The following NELL1 variants were observed in gnomAD, a reference collection of about 807,000 sequenced individuals.
The protein encoded by NELL1 is neural EGFL like 1, also known as protein kinase C-binding protein NELL1.
In NELL1, 76 loss-of-function variants were observed where a neutral mutation model predicts 107.4. The observed-to-expected ratio is 0.71, with a 90% CI of 0.59 to 0.86. The LOEUF (loss-of-function observed/expected upper bound fraction) is 0.86, where lower values mean the gene tolerates loss of function less well. NELL1 is among the 40% of genes least tolerant of loss of function. The probability of loss-of-function intolerance (pLI) is 0.00; values close to 1 mark genes in which losing one functional copy is unlikely to be tolerated. For synonymous variants in NELL1, 353 were observed against 341.2 expected (o/e 1.03, Z -0.38); for missense variants, 1,024 against 1,005.5 (o/e 1.02, Z -0.25).
intron 14 of NELL1, among the ~76,000 whole-genome samples, chr11:21,292,871 CT>C (rs1849301344): frequency 6.6e-6 from 1 of 152,146 alleles, no homozygotes; most frequent in African/African-American, 2.4e-5. Context: ...GGAAAACTGG[CT>C]AGCCATATGC....
rs573944278 is a variant in NELL1, at chr11:20,905,787, A to G, written c.604-12395A>G. Among the ~76,000 whole-genome samples, 10 of 152,268 alleles carry G rather than the reference A, an allele frequency of 6.6e-5. No individual in the cohort carries two copies. In the South Asian group the frequency reaches 2.1e-3, roughly 32 times the overall value. Reference sequence around the variant, plus strand: ...AAAATGAACAAGGCCTGAGGGATCTATCTGTAGGACATTATCAAATAGACT... The same window carrying G: ...AAAATGAACAAGGCCTGAGGGATCTGTCTGTAGGACATTATCAAATAGACT... On this transcript the variant is annotated intron_variant, in intron 5 of 19. Transcript: ENST00000357134.
chr11:20,858,031 C>T (rs933444114), intron 4 of NELL1, among the ~76,000 whole-genome samples: 1 of 152,102 alleles, frequency 6.6e-6, no homozygotes, highest in African/African-American at 2.4e-5. Context: ...CACAGCTTAC[C>T]CAATAGCAGG....
In NELL1 at chr11:20,907,024, T is replaced by C. The variant is rs148359768; in HGVS notation, c.604-11158T>C. Among the ~76,000 whole-genome samples, 349 of 152,064 alleles carry C rather than the reference T, an allele frequency of 2.3e-3. 4 individuals are homozygous for C. Among genetic ancestry groups the C allele is most frequent in the African/African-American group, 7.8e-3 (322 of 41,526 alleles). ...AGAAAAATAAGTAAATGCATTCAAA[T>C]TGGAAAAGAAGTAAAACTATCTCTA... On this transcript the variant is annotated intron_variant, in intron 5 of 19. Transcript: ENST00000357134.
chr11:21,366,961 G>T (rs1325523462), intron 14 of NELL1, among the ~76,000 whole-genome samples: 2 of 151,904 alleles, frequency 1.3e-5, no homozygotes, highest in Non-Finnish European at 2.9e-5. Flanking sequence ...CATGGTGATG[G>T]TACTGGACAT....
intron 15 of NELL1, among the ~76,000 whole-genome samples, chr11:21,446,604 A>T (rs1442499589): frequency 1.3e-5 from 2 of 152,204 alleles, no homozygotes; most frequent in Non-Finnish European, 2.9e-5. Flanking sequence ...TTGTAGACTC[A>T]CAAAGGAACC....
chr11:21,430,079 T>C (rs926229125), intron 15 of NELL1, among the ~76,000 whole-genome samples: 32 of 152,282 alleles, frequency 2.1e-4, no homozygotes, highest in African/African-American at 7.5e-4. Context: ...TCTTCCTTTG[T>C]GTTTAGCAGC....
intron 4 of NELL1, among the ~76,000 whole-genome samples, chr11:20,869,750 A>G (rs1849161265): frequency 4.6e-5 from 7 of 152,204 alleles, no homozygotes; most frequent in Admixed American, 4.6e-4. Context: ...TATGGTGAGA[A>G]GAACAGAATT....
intron 15 of NELL1, among the ~76,000 whole-genome samples, chr11:21,397,333 A>G (rs572795955): frequency 3.3e-5 from 5 of 151,714 alleles, no homozygotes; most frequent in East Asian, 3.9e-4. Context: ...TAAAGCTTCC[A>G]TTGATTTTTG....
intron 15 of NELL1, among the ~76,000 whole-genome samples, chr11:21,400,314 G>A (rs1336621219): frequency 6.6e-6 from 1 of 151,864 alleles, no homozygotes; most frequent in Non-Finnish European, 1.5e-5. Flanking sequence ...TGTCACAGAA[G>A]CATCCAATTT....
At chr11:21,224,124 A>C (rs944103669) in intron 13 of NELL1, among the ~76,000 whole-genome samples, 2 of 152,158 alleles carry the variant, frequency 1.3e-5, no homozygotes, top group African/African-American at 2.4e-5. Context: ...AAGTTTGACT[A>C]TAATGTGCCT....
chr11:20,740,772 C>T (rs973481988), intron 2 of NELL1, among the ~76,000 whole-genome samples: 3 of 151,926 alleles, frequency 2.0e-5, no homozygotes, highest in African/African-American at 7.3e-5. Flanking sequence ...ATTTTATTTT[C>T]ATTTTCTTTT....
At chr11:20,705,593 A>G (rs2133887867) in intron 2 of NELL1, among the ~76,000 whole-genome samples, 1 of 142,568 alleles carries the variant, frequency 7.0e-6, no homozygotes, top group Middle Eastern at 3.6e-3. Flanking sequence ...ACCATTCAGG[A>G]CATAGGCGTG....
intron 15 of NELL1, among the ~76,000 whole-genome samples, chr11:21,465,800 C>T (rs1854015107): frequency 2.0e-5 from 3 of 152,072 alleles, no homozygotes; most frequent in South Asian, 2.1e-4. Context: ...CATTCATTCC[C>T]TTGAGCTGCC....
chr11:21,139,395 G>A (rs1590672020), intron 13 of NELL1, among the ~76,000 whole-genome samples: 1 of 152,094 alleles, frequency 6.6e-6, no homozygotes, highest in African/African-American at 2.4e-5. Flanking sequence ...CAGGCCTCTG[G>A]CAAAGGTCTC....
chr11:21,077,034 A>G (rs952572643), intron 12 of NELL1, among the ~76,000 whole-genome samples: 2 of 152,120 alleles, frequency 1.3e-5, no homozygotes, highest in Admixed American at 6.6e-5. Context: ...TAGCAACACA[A>G]TGAACTAAGA....
rs1014132006 is a variant in NELL1 at position 20,755,568 on chromosome 11, T to G, written c.185-28112T>G. 2.0e-4 allele frequency among the ~76,000 whole-genome samples: 24 copies of G among 120,926 alleles called. 1 individual carries two copies. The highest frequency in any genetic ancestry group is 3.6e-4 in the Non-Finnish European group (21 of 58,646). The allele number at this position is 120,926 out of a possible 152,430, so 79.3% of individuals were successfully genotyped here. ...TTTTTTTGTTTTTGTTTTTGTTTTT[T>G]TTTTTTTGAGACAGAATCTGGCTGT... On this transcript the variant is annotated intron_variant, in intron 2 of 19. Transcript: ENST00000357134.
intron 14 of NELL1, among the ~76,000 whole-genome samples, chr11:21,238,377 G>C (rs1168099822): frequency 6.6e-6 from 1 of 151,984 alleles, no homozygotes; most frequent in African/African-American, 2.4e-5. Context: ...GGATTTGATG[G>C]TGCAAAGATG....
intron 14 of NELL1, among the ~76,000 whole-genome samples, chr11:21,258,496 G>A (rs554099461): frequency 6.4e-4 from 98 of 151,948 alleles, no homozygotes; most frequent in African/African-American, 2.3e-3. Context: ...AATTATGAAG[G>A]CTGGCAAGTC....
chr11:20,677,362 TCAGGGC>T (rs1256145767), intron 1 of NELL1, among the ~76,000 whole-genome samples: 11 of 152,118 alleles, frequency 7.2e-5, no homozygotes, highest in Admixed American at 3.9e-4. Flanking sequence ...GGCAGGTGGA[TCAGGGC>T]CACAATCTTG....
Sources: gnomAD v4.1 joint callset for allele counts (sites outside exome capture counted in the v4.1 genomes callset) on GRCh38, gnomAD v4.1.1 for gene constraint, MANE v1.5 for transcripts, NCBI Gene and HGNC (gene_info 2026-07-23, HGNC 2026-07-21) for gene names.